Variants in ADD1 observed in about 807,000 individuals in gnomAD.
ADD1 encodes adducin 1.
Under a neutral mutation model 80.5 loss-of-function variants are expected in ADD1, and 24 were observed. That is an observed-to-expected ratio of 0.30 (90% CI 0.22 to 0.42). The LOEUF (loss-of-function observed/expected upper bound fraction) is 0.42, where lower values mean the gene tolerates loss of function less well. Among genes scored for constraint, ADD1 ranks in the 10% least tolerant of loss-of-function variants. The pLI is 1.00. For synonymous variants in ADD1, 373 were observed against 393.8 expected (o/e 0.95, Z 0.63); for missense variants, 948 against 1,019.0 (o/e 0.93, Z 0.95).
At chr4:2,922,157 CT>C (rs1300519604) in intron 14 of ADD1, among the ~76,000 whole-genome samples, 4 of 152,136 alleles carry the variant, frequency 2.6e-5, no homozygotes, top group Non-Finnish European at 4.4e-5. Flanking sequence ...AACTCATTCT[CT>C]GTCCAGTTTT....
intron 1 of ADD1, among the ~76,000 whole-genome samples, chr4:2,863,217 T>TC (rs1158938018): frequency 8.0e-6 from 1 of 124,398 alleles, no homozygotes; most frequent in Non-Finnish European, 1.7e-5. Context: ...AGCTAATTTT[T>TC]AATTTTTTTT....
intron 15 of ADD1, 43 bp from the exon 16 acceptor site, chr4:2,928,128 C>A: frequency 6.4e-7 from 1 of 1,552,844 alleles, no homozygotes; most frequent in Non-Finnish European, 8.8e-7. Flanking sequence ...CCTTTGAGAT[C>A]TGGGCAGGAA....
chr4:2,929,793 G>A lies in ADD1; in HGVS notation c.*1270G>A, dbSNP rs993912935. On this transcript the variant is annotated 3_prime_UTR_variant, in exon 16 of 16. Coordinates refer to ENST00000683351, the MANE Select transcript of ADD1 (RefSeq NM_001354761.2). ...CGCTTCCAGCTTCCTCTGAGCCGCA[G>A]GGCCTGCTACGCGGGCAAGCGTGCT... 2.6e-5 allele frequency: 4 copies of A among 152,524 alleles called. No homozygotes were observed. The highest frequency in any genetic ancestry group is 9.6e-5 in the African/African-American group (4 of 41,468). 9.4% of individuals were successfully genotyped at this position (152,524 alleles called of 1,614,324 possible).
At position 2,926,029 on chromosome 4, in the gene ADD1, C is replaced by G. The variant is rs781120465; in HGVS notation, c.1964C>G (p.Ala655Gly). The part of the protein sequence containing the change: ...QKGSEENLDE[A>G]REQKEKSPPD... ...TTCTCTGCAGAGAATCTGGACGAGG[C>G]TAGAGAACAGAAAGAAAAGAGTCCT... The change falls in exon 15 of 16, where the codon GCT becomes GGT. Residue 655 changes from alanine (A) to glycine (G), a missense_variant. Physicochemically the swap from Ala to Gly is moderately conservative, Grantham distance 60 (BLOSUM62 0). Transcript: ENST00000683351. This position sits in a 1 kb window ranked among gnomAD's most constrained non-coding sequence, Gnocchi z 5.0. 7.4e-6 allele frequency: 12 copies of G among 1,614,092 alleles called. No homozygotes were observed. Among genetic ancestry groups the G allele is most frequent in the Non-Finnish European group, 1.0e-5 (12 of 1,179,960 alleles).
intron 4 of ADD1, among the ~76,000 whole-genome samples, chr4:2,893,547 A>G (rs1419124175): frequency 6.6e-6 from 1 of 152,072 alleles, no homozygotes; most frequent in African/African-American, 2.4e-5. Flanking sequence ...TGGGAGGCAG[A>G]AGTTGCAGTG....
At chr4:2,851,115 A>G (rs1172991705) in intron 1 of ADD1, among the ~76,000 whole-genome samples, 1 of 152,180 alleles carries the variant, frequency 6.6e-6, no homozygotes, top group Non-Finnish European at 1.5e-5. Context: ...TGGTATAATC[A>G]TAGCTGACTG....
intron 9 of ADD1, 145 bp from the exon 10 acceptor site, chr4:2,904,619 G>A: frequency 1.4e-6 from 1 of 722,788 alleles, no homozygotes; most frequent in Non-Finnish European, 2.3e-6. Flanking sequence ...TTGCTTCTGT[G>A]GGGTGTAAAA....
rs183892296 is a variant in ADD1 at position 2,920,884 on chromosome 4, C to T, written c.1949-5130C>T. ...TGAATTTGATCCTGTCATTATGATG[C>T]TGGCTGGTTATTTTGCCTGTTAACT... On this transcript the variant is annotated intron_variant, in intron 14 of 15. Coordinates refer to ENST00000683351, the MANE Select transcript of ADD1 (RefSeq NM_001354761.2). Among the ~76,000 whole-genome samples, 3 of 152,226 alleles carry T rather than the reference C, an allele frequency of 2.0e-5. No homozygotes were observed. The East Asian group carries it at 5.8e-4, about 29-fold the overall frequency.
At chr4:2,875,809 T>C (rs775893414) in intron 1 of ADD1, 87 bp from the exon 2 acceptor site, 9 of 1,098,758 alleles carry the variant, frequency 8.2e-6, no homozygotes, top group East Asian at 2.5e-5. Context: ...CTGTTGAAGA[T>C]TGTGTTTACC....
At position 2,860,833 on chromosome 4, in the gene ADD1, A is replaced by G. The variant is rs1728728943; in HGVS notation, c.-20-15063A>G. Among the ~76,000 whole-genome samples, 4 of 152,318 alleles carry G rather than the reference A, an allele frequency of 2.6e-5. 1 individual carries two copies. In the South Asian group the frequency reaches 8.3e-4, roughly 32 times the overall value. On this transcript the variant is annotated intron_variant, in intron 1 of 15. Transcript: ENST00000683351. ...AAACTTCCACCAGGGAAGTTAAGAA[A>G]TCTTGCCAAAATTACAGAGTCAGTA...
chr4:2,916,162 ATATTATTATTATTATTATTAT>A lies in ADD1; in HGVS notation c.1948+1151_1948+1171del, dbSNP rs71662749. Among the ~76,000 whole-genome samples, 194 of 141,044 alleles carry A rather than the reference ATATTATTATTATTATTATTAT, an allele frequency of 1.4e-3. 1 individual carries two copies. The highest frequency in any genetic ancestry group is 3.6e-3 in the Admixed American group (50 of 13,880). The allele number at this position is 141,044 out of a possible 152,430, so 92.5% of individuals were successfully genotyped here. Reference sequence around the variant, plus strand: ...TCAGTTAGTGGGAAAGCCAGCATGCATATTATTATTATTATTATTATTATTATTATTATTATTATTATTATT... The same window carrying A: ...TCAGTTAGTGGGAAAGCCAGCATGCATATTATTATTATTATTATTATTATT... On this transcript the variant is annotated intron_variant, in intron 14 of 15. Transcript: ENST00000683351.
At chr4:2,847,461 A>G (rs1726418340) in intron 1 of ADD1, among the ~76,000 whole-genome samples, 1 of 151,988 alleles carries the variant, frequency 6.6e-6, no homozygotes, top group African/African-American at 2.4e-5. Flanking sequence ...TCATTTTTAT[A>G]TACCTGTATC....
At chr4:2,881,055 A>C (rs564200093) in intron 2 of ADD1, among the ~76,000 whole-genome samples, 3 of 149,762 alleles carry the variant, frequency 2.0e-5, no homozygotes, top group Non-Finnish European at 4.4e-5. Flanking sequence ...ATTACAATGA[A>C]CATTTTGATG....
intron 1 of ADD1, among the ~76,000 whole-genome samples, chr4:2,857,469 A>C (rs1411632191): frequency 6.6e-6 from 1 of 152,050 alleles, no homozygotes; most frequent in Non-Finnish European, 1.5e-5. Flanking sequence ...TTAGCCGGAC[A>C]TGATGGGGTG....
chr4:2,844,101 G>C (rs1725795780), intron 1 of ADD1, 77 bp downstream of exon 1: 2 of 148,908 alleles, frequency 1.3e-5, no homozygotes, highest in East Asian at 3.9e-4. Context: ...ACTGGGCCGC[G>C]GTTGCGGCGG....
At chr4:2,884,219 T>C (rs978091300) in intron 3 of ADD1, among the ~76,000 whole-genome samples, 4 of 152,260 alleles carry the variant, frequency 2.6e-5, no homozygotes, top group African/African-American at 9.6e-5. Context: ...TGTGTAAGTA[T>C]TGGAAAACAG....
chr4:2,854,073 G>A (rs1727712705), intron 1 of ADD1, among the ~76,000 whole-genome samples: 1 of 152,090 alleles, frequency 6.6e-6, no homozygotes, highest in Non-Finnish European at 1.5e-5. Flanking sequence ...TGTAATCCCA[G>A]CACTTTAGGA....
chr4:2,917,009 T>A (rs1739196605), intron 14 of ADD1, among the ~76,000 whole-genome samples: 1 of 152,222 alleles, frequency 6.6e-6, no homozygotes, highest in African/African-American at 2.4e-5. Context: ...TGTGCATGTG[T>A]CTTTATCATA....
chr4:2,920,286 G>T (rs1170908954), intron 14 of ADD1, among the ~76,000 whole-genome samples: 1 of 152,184 alleles, frequency 6.6e-6, no homozygotes, highest in African/African-American at 2.4e-5. Context: ...GTGCGATGTG[G>T]TGCTGAGAAG....
Sources: gnomAD v4.1 joint callset for allele counts (sites outside exome capture counted in the v4.1 genomes callset) on GRCh38, gnomAD v4.1.1 for gene constraint, Gnocchi (gnomAD v3.1) non-coding constraint, MANE v1.5 for transcripts, NCBI Gene and HGNC (gene_info 2026-07-23, HGNC 2026-07-21) for gene names.